HPSE2: variants seen among roughly 807,000 people sequenced by gnomAD.
The protein encoded by HPSE2 is inactive heparanase-2.
Under a neutral mutation model 60.5 loss-of-function variants are expected in HPSE2, and 38 were observed. The observed-to-expected ratio is 0.63, with a 90% CI of 0.48 to 0.82. HPSE2 has a LOEUF of 0.82. Ranked by LOEUF, HPSE2 falls within the 40% of genes least tolerant of loss-of-function variation. The pLI is 0.00. For synonymous variants in HPSE2, 295 were observed against 293.2 expected, an observed-to-expected ratio of 1.01 and a Z score of -0.06; for missense variants, 713 against 740.4, an observed-to-expected ratio of 0.96 and a Z score of 0.43.
chr10:99,021,520 G>A (rs776229098), intron 3 of HPSE2, among the ~76,000 whole-genome samples: 4 of 151,886 alleles, frequency 2.6e-5, no homozygotes, highest in South Asian at 2.1e-4. Context: ...GATATAGAGC[G>A]TCTCGCTAAG....
At position 98,482,704 on chromosome 10, in the gene HPSE2, C is replaced by T. The variant is rs749565192; in HGVS notation, c.1545G>A (p.Gly515=). The T allele has an allele frequency of 6.2e-7, 1 of 1,614,146 alleles. No homozygotes were observed. The highest frequency in any genetic ancestry group is 8.5e-7 in the Non-Finnish European group (1 of 1,180,012). ...HRSRKKIKLA[G]TLRDKLVHQY... The stretch of plus-strand genomic sequence containing the variant: ...GGTGAACCAGCTTGTCTCTGAGAGT[C>T]CCAGCCAGCTTGATTTTCTTTCTTG... The change falls in exon 11 of 12, where the codon GGG becomes GGA. Residue 515 remains glycine (G), a synonymous_variant. Coordinates refer to ENST00000370552, the MANE Select transcript of HPSE2 (RefSeq NM_021828.5).
At chr10:99,101,444 C>G (rs970072866) in intron 3 of HPSE2, among the ~76,000 whole-genome samples, 7 of 152,154 alleles carry the variant, frequency 4.6e-5, no homozygotes, top group African/African-American at 1.7e-4. Context: ...GCTAACTATC[C>G]TAAATATATA....
In HPSE2 at chr10:98,777,359, T is replaced by C. The variant is rs369942212; in HGVS notation, c.611-33303A>G. Among the ~76,000 whole-genome samples, 16 of 152,276 alleles carry C rather than the reference T, an allele frequency of 1.1e-4. No homozygotes were observed. In the South Asian group the frequency reaches 3.3e-3, roughly 32 times the overall value. On this transcript the variant is annotated intron_variant, in intron 3 of 11. Transcript: ENST00000370552. The stretch of plus-strand genomic sequence containing the variant: ...GAATTCAAACCAGTCATTTTGTTTT[T>C]TACATACACGAGAATATAAAAACAA...
At chr10:98,640,036 C>T (rs762621493) in intron 7 of HPSE2, among the ~76,000 whole-genome samples, 8 of 152,166 alleles carry the variant, frequency 5.3e-5, no homozygotes, top group Non-Finnish European at 1.2e-4. Context: ...GAAAATTCTT[C>T]CCTCCTTCTA....
intron 3 of HPSE2, among the ~76,000 whole-genome samples, chr10:98,785,664 A>G (rs1435097480): frequency 6.7e-6 from 1 of 148,274 alleles, no homozygotes; most frequent in Non-Finnish European, 1.5e-5. Context: ...TTCCTGGTTT[A>G]GTCTTAGGAG....
chr10:98,771,357 A>G (rs1166164509), intron 3 of HPSE2, among the ~76,000 whole-genome samples: 1 of 152,120 alleles, frequency 6.6e-6, no homozygotes, highest in Non-Finnish European at 1.5e-5. Context: ...TTCAGCTCCA[A>G]ATATTGGAGC....
intron 9 of HPSE2, among the ~76,000 whole-genome samples, chr10:98,508,749 G>C (rs1223597906): frequency 6.6e-6 from 1 of 152,138 alleles, no homozygotes; most frequent in Non-Finnish European, 1.5e-5. Context: ...GCAACAGAAA[G>C]AGCATACGCA....
chr10:98,500,138 A>C (rs1168513704), intron 9 of HPSE2, among the ~76,000 whole-genome samples: 2 of 152,166 alleles, frequency 1.3e-5, no homozygotes, highest in Non-Finnish European at 2.9e-5. Flanking sequence ...TCAACAAAGA[A>C]ACAATGGATT....
intron 3 of HPSE2, among the ~76,000 whole-genome samples, chr10:99,082,548 A>G (rs1167078011): frequency 2.0e-5 from 3 of 152,206 alleles, no homozygotes; most frequent in Admixed American, 2.0e-4. Context: ...CATCTACCTT[A>G]TATACCCAGC....
chr10:99,104,567 T>C (rs1287084626), intron 3 of HPSE2, among the ~76,000 whole-genome samples: 1 of 152,206 alleles, frequency 6.6e-6, no homozygotes, highest in Non-Finnish European at 1.5e-5. Flanking sequence ...ATTGGGTATA[T>C]ACCCAAAGGA....
chr10:99,011,115 A>C (rs1957002984), intron 3 of HPSE2, among the ~76,000 whole-genome samples: 1 of 142,062 alleles, frequency 7.0e-6, no homozygotes, highest in East Asian at 2.2e-4. Flanking sequence ...TGTGGTATTT[A>C]GTTTTCTGTT....
At chr10:98,810,033 T>C (rs1368585845) in intron 3 of HPSE2, among the ~76,000 whole-genome samples, 4 of 152,290 alleles carry the variant, frequency 2.6e-5, no homozygotes, top group Middle Eastern at 3.4e-3. Context: ...AGTCAATTTG[T>C]ATATTTCTGC....
At chr10:99,197,638 T>C (rs866204397) in intron 2 of HPSE2, among the ~76,000 whole-genome samples, 9 of 152,164 alleles carry the variant, frequency 5.9e-5, no homozygotes, top group South Asian at 4.1e-4. Flanking sequence ...TAAAATATCA[T>C]GTAAATGTAA....
intron 5 of HPSE2, among the ~76,000 whole-genome samples, chr10:98,698,993 T>C (rs1948320820): frequency 6.6e-6 from 1 of 152,120 alleles, no homozygotes; most frequent in South Asian, 2.1e-4. Flanking sequence ...ATTGTGGCAA[T>C]AATCAATAGC....
At chr10:98,628,631 A>G (rs1384965809) in intron 7 of HPSE2, among the ~76,000 whole-genome samples, 4 of 152,178 alleles carry the variant, frequency 2.6e-5, no homozygotes, top group Admixed American at 1.3e-4. Flanking sequence ...ATAGACTTCA[A>G]TCCTTGGGTG....
chr10:99,166,840 C>T (rs1363525656), intron 2 of HPSE2, among the ~76,000 whole-genome samples: 2 of 150,536 alleles, frequency 1.3e-5, no homozygotes, highest in Non-Finnish European at 2.9e-5. Context: ...GAGTGAGACT[C>T]CATCTCAAAG....
At chr10:99,074,052 T>A (rs1842883559) in intron 3 of HPSE2, among the ~76,000 whole-genome samples, 1 of 152,050 alleles carries the variant, frequency 6.6e-6, no homozygotes, top group Admixed American at 6.6e-5. Context: ...TGACTTTTCT[T>A]TTTCTTGCCT....
chr10:98,518,927 G>T (rs1188793521), intron 9 of HPSE2, among the ~76,000 whole-genome samples: 1 of 152,002 alleles, frequency 6.6e-6, no homozygotes, highest in East Asian at 1.9e-4. Flanking sequence ...AGGGAAACAA[G>T]GTCCAAGACA....
At chr10:98,520,326 C>G (rs1229822845) in intron 9 of HPSE2, among the ~76,000 whole-genome samples, 3 of 152,200 alleles carry the variant, frequency 2.0e-5, no homozygotes, top group African/African-American at 7.2e-5. Context: ...GACAACGAGG[C>G]CAGTGCCTCC....
Sources: allele counts gnomAD v4.1 joint callset (sites outside exome capture counted in the v4.1 genomes callset), GRCh38; gene constraint gnomAD v4.1.1; transcripts MANE v1.5; gene names NCBI Gene and HGNC (gene_info 2026-07-23, HGNC 2026-07-21).